PCDHGA5: variants seen among roughly 807,000 people sequenced by gnomAD.
PCDHGA5 encodes protocadherin gamma-A5.
Under a neutral mutation model 56.7 loss-of-function variants are expected in PCDHGA5, and 36 were observed. That is an observed-to-expected ratio of 0.64 (90% confidence interval 0.49 to 0.84). PCDHGA5 has a LOEUF of 0.84. PCDHGA5 is among the 40% of genes least tolerant of loss of function. The pLI is 0.00. For synonymous variants in PCDHGA5, 563 were observed against 520.2 expected, an observed-to-expected ratio of 1.08 and a Z score of -1.12; for missense variants, 1,305 against 1,201.5, an observed-to-expected ratio of 1.09 and a Z score of -1.27.
chr5:141,462,652 A>T (rs201168659), intron 1 of PCDHGA5, among the ~76,000 whole-genome samples: 1 of 80,348 alleles, frequency 1.2e-5, no homozygotes, highest in African/African-American at 7.4e-5. Flanking sequence ...TTCCATCCTC[A>T]ATTATCTTCA....
intron 1 of PCDHGA5, among the ~76,000 whole-genome samples, chr5:141,401,328 G>A (rs919361243): frequency 3.3e-5 from 5 of 151,962 alleles, no homozygotes; most frequent in Non-Finnish European, 7.4e-5. Context: ...GGCAACAAGA[G>A]CAAAACTCCA....
At position 141,491,809 on chromosome 5, in the gene PCDHGA5, C is replaced by A. The variant is rs1421763758; in HGVS notation, c.2422-2998C>A. The A allele has an allele frequency of 6.7e-7, 1 of 1,487,044 alleles. No homozygotes were observed. The highest frequency in any genetic ancestry group is 1.4e-5 in the South Asian group (1 of 72,986). The allele number at this position is 1,487,044 out of a possible 1,614,324, so 92.1% of individuals were successfully genotyped here. On this transcript the variant is annotated intron_variant, in intron 1 of 3. Coordinates refer to ENST00000518069, the MANE Select transcript of PCDHGA5 (RefSeq NM_018918.3). This position sits in a 1 kb window ranked among gnomAD's most constrained non-coding sequence, Gnocchi z 6.9. Reference sequence around the variant, plus strand: ...TCCACTCCTCTCCGGCCGGCTTGGTCGCTGGCTGCGCTCCACCCGATTCTC... The same window carrying A: ...TCCACTCCTCTCCGGCCGGCTTGGTAGCTGGCTGCGCTCCACCCGATTCTC...
Position 141,419,013 on chromosome 5 carries a change from G to C in PCDHGA5, c.2421+52262G>C, listed in dbSNP as rs746229802. The C allele has an allele frequency of 6.9e-5, 111 of 1,613,840 alleles. No individual in the cohort carries two copies. In the East Asian group the frequency reaches 2.4e-3, roughly 35 times the overall value. ...GGGGAAAATGGGGAAGTCAGGTGTA[G>C]CTTAAGTAGAGGTGTTCCATTTAAG... is the stretch of plus-strand genomic sequence containing the variant. On this transcript the variant is annotated intron_variant, in intron 1 of 3. Transcript: ENST00000518069.
intron 1 of PCDHGA5, chr5:141,372,738 T>C: frequency 6.2e-7 from 1 of 1,613,740 alleles, no homozygotes; most frequent in Non-Finnish European, 8.5e-7. Flanking sequence ...AGATCTTCTA[T>C]GTGATGAAGC....
chr5:141,421,362 C>T (rs2096566609), intron 1 of PCDHGA5: 1 of 1,613,998 alleles, frequency 6.2e-7, no homozygotes, highest in African/African-American at 1.3e-5. Context: ...AGGGCTCCTT[C>T]GTGGGCAATA....
At chr5:141,407,851 C>T (rs2094989102) in intron 1 of PCDHGA5, among the ~76,000 whole-genome samples, 1 of 152,194 alleles carries the variant, frequency 6.6e-6, no homozygotes, top group Non-Finnish European at 1.5e-5. Flanking sequence ...GGGGGATGTA[C>T]ACCTGCATTT....
intron 1 of PCDHGA5, chr5:141,370,471 A>G (rs773034189): frequency 3.1e-6 from 5 of 1,613,570 alleles, no homozygotes; most frequent in Non-Finnish European, 4.2e-6. Flanking sequence ...TCTTTGTTAG[A>G]CCAGGCTCTC....
chr5:141,484,988 G>A (rs1187402042), intron 1 of PCDHGA5: 2 of 604,830 alleles, frequency 3.3e-6, no homozygotes, highest in Admixed American at 3.0e-5. Context: ...CAATCGGGTG[G>A]TGAAAGGCAG....
At chr5:141,458,403 C>T (rs1057108239) in intron 1 of PCDHGA5, among the ~76,000 whole-genome samples, 6 of 152,136 alleles carry the variant, frequency 3.9e-5, no homozygotes, top group African/African-American at 1.2e-4. Context: ...CTTGCAGAGA[C>T]GGAGCGGGGG....
chr5:141,370,908 C>T (rs372602970), intron 1 of PCDHGA5: 1 of 1,614,028 alleles, frequency 6.2e-7, no homozygotes, highest in East Asian at 2.2e-5. Flanking sequence ...GCAGTACTAC[C>T]TCAGCCCTGA....
intron 1 of PCDHGA5, among the ~76,000 whole-genome samples, chr5:141,470,152 T>C (rs546219809): frequency 2.6e-5 from 4 of 152,308 alleles, no homozygotes; most frequent in African/African-American, 9.6e-5. Context: ...ATAGATCATC[T>C]TATCAAATCA....
chr5:141,509,499 T>C (rs895353804), intron 3 of PCDHGA5, among the ~76,000 whole-genome samples: 1 of 152,128 alleles, frequency 6.6e-6, no homozygotes, highest in Non-Finnish European at 1.5e-5. Flanking sequence ...GCATGCTGGA[T>C]GTGACGGTGT....
chr5:141,453,287 A>T (rs900058377), intron 1 of PCDHGA5, among the ~76,000 whole-genome samples: 1 of 151,368 alleles, frequency 6.6e-6, no homozygotes, highest in Non-Finnish European at 1.5e-5. Context: ...CTAATTTTTT[A>T]ATTATTTATT....
chr5:141,430,580 G>A, intron 1 of PCDHGA5: 1 of 478,526 alleles, frequency 2.1e-6, no homozygotes, highest in Admixed American at 3.8e-5. Context: ...CGGAGATCCT[G>A]CTCGCCTTGC....
chr5:141,371,664 G>A (rs1433896687), intron 1 of PCDHGA5: 2 of 1,613,906 alleles, frequency 1.2e-6, no homozygotes, highest in Non-Finnish European at 1.7e-6. Flanking sequence ...GACGATCACA[G>A]CTACCGACAA....
Position 141,427,512 on chromosome 5 carries a change from T to A in PCDHGA5, c.2421+60761T>A, listed in dbSNP as rs1483922394. ...GCTTGTAACAGATGGGACCCTGGATTGGGAGCGGATCCCGGAGTACAACGT... is the reference window on the plus strand; with the variant it reads ...GCTTGTAACAGATGGGACCCTGGATAGGGAGCGGATCCCGGAGTACAACGT... On this transcript the variant is annotated intron_variant, in intron 1 of 3. Transcript: ENST00000518069. 1.2e-5 allele frequency: 7 copies of A among 592,748 alleles called. No homozygotes were observed. The Admixed American group carries it at 1.3e-4, about 11-fold the overall frequency. 36.7% of individuals were successfully genotyped at this position (592,748 alleles called of 1,614,324 possible). A position where few individuals can be genotyped will look rare whatever the true frequency, so the allele number is the denominator to read the frequency against.
intron 1 of PCDHGA5, among the ~76,000 whole-genome samples, chr5:141,483,648 TTGTGTGTG>T (rs111458813): frequency 6.7e-6 from 1 of 149,592 alleles, no homozygotes; most frequent in Non-Finnish European, 1.5e-5. Flanking sequence ...GGGTGTGTGT[TTGTGTGTG>T]TGTGTGTGTG....
At chr5:141,372,521 G>A (rs1768831766) in intron 1 of PCDHGA5, 1 of 1,614,014 alleles carries the variant, frequency 6.2e-7, no homozygotes, top group Non-Finnish European at 8.5e-7. Flanking sequence ...CGGTGATTCT[G>A]GCAATCTCCC....
At chr5:141,386,719 C>A (rs1487131983) in intron 1 of PCDHGA5, among the ~76,000 whole-genome samples, 1 of 152,104 alleles carries the variant, frequency 6.6e-6, no homozygotes, top group African/African-American at 2.4e-5. Flanking sequence ...CTGACACCAA[C>A]AATGTTACTG....
Sources: allele counts gnomAD v4.1 joint callset (sites outside exome capture counted in the v4.1 genomes callset), GRCh38; gene constraint gnomAD v4.1.1; non-coding constraint Gnocchi (gnomAD v3.1); transcripts MANE v1.5; gene names NCBI Gene and HGNC (gene_info 2026-07-23, HGNC 2026-07-21).